Variants in ENTREP2 observed in about 807,000 individuals in gnomAD.
ENTREP2 encodes the protein protein ENTREP2.
chr15:29,647,803 A>G, the ENTREP2 span, among the ~76,000 whole-genome samples: 2 of 152,168 alleles, frequency 1.3e-5, no homozygotes, highest in African/African-American at 4.8e-5. Context: ...GCAAGTGGCT[A>G]CATATGATAA....
the ENTREP2 span, among the ~76,000 whole-genome samples, chr15:29,126,869 C>T: frequency 2.4e-4 from 36 of 152,300 alleles, 1 homozygote; most frequent in South Asian, 8.3e-4. Context: ...ATCTCAGGCC[C>T]GCCCTTGCAG....
At chr15:29,539,377 G>A in the ENTREP2 span, among the ~76,000 whole-genome samples, 2 of 152,104 alleles carry the variant, frequency 1.3e-5, no homozygotes, top group African/African-American at 4.8e-5. Context: ...CCCGCCTTTT[G>A]TTTCAGTGCA....
chr15:29,399,600 CAA>C, the ENTREP2 span, among the ~76,000 whole-genome samples: 1 of 152,110 alleles, frequency 6.6e-6, no homozygotes, highest in African/African-American at 2.4e-5. Context: ...GTCCCTTGAA[CAA>C]GAGGGGTGTT....
At chr15:29,136,251 C>T in the ENTREP2 span, 5 of 1,175,368 alleles carry the variant, frequency 4.3e-6, no homozygotes, top group East Asian at 1.1e-4. Context: ...CATGAGTGTT[C>T]ACCTCACAGC....
At chr15:29,469,345 G>A in the ENTREP2 span, among the ~76,000 whole-genome samples, 8 of 152,226 alleles carry the variant, frequency 5.3e-5, no homozygotes, top group South Asian at 4.1e-4. Flanking sequence ...AATTACAGGC[G>A]CACGCCACCA....
At chr15:29,214,874 G>C in the ENTREP2 span, among the ~76,000 whole-genome samples, 10,183 of 152,200 alleles carry the variant, frequency 0.067, 1,180 homozygotes, top group African/African-American at 0.23. Context: ...CTATCTTGGA[G>C]AAAGTTCCAC....
the ENTREP2 span, among the ~76,000 whole-genome samples, chr15:29,377,844 T>TAATAATAATAAC: frequency 1.5e-5 from 2 of 137,116 alleles, no homozygotes; most frequent in South Asian, 5.0e-4. Flanking sequence ...ATAATAATAA[T>TAATAATAATAAC]AATAATAATA....
chr15:29,242,770 G>A, the ENTREP2 span, among the ~76,000 whole-genome samples: 1 of 152,196 alleles, frequency 6.6e-6, no homozygotes, highest in African/African-American at 2.4e-5. Context: ...AAAAGAGACA[G>A]AATGCTCAGA....
chr15:29,120,930 C>T, the ENTREP2 span: 4 of 152,300 alleles, frequency 2.6e-5, no homozygotes, highest in Admixed American at 2.0e-4. Flanking sequence ...AGTCTACCAG[C>T]ACCTCTCTCT....
At chr15:29,663,727 G>T in the ENTREP2 span, among the ~76,000 whole-genome samples, 1 of 152,042 alleles carries the variant, frequency 6.6e-6, no homozygotes, top group African/African-American at 2.4e-5. Context: ...GGAGGGGGAG[G>T]GGGGAGAGAT....
At chr15:29,356,940 G>T in the ENTREP2 span, among the ~76,000 whole-genome samples, 2 of 152,256 alleles carry the variant, frequency 1.3e-5, no homozygotes, top group East Asian at 3.9e-4. Context: ...CCTTTGGAGG[G>T]AAGAGAAAGC....
At chr15:29,255,797 T>C in the ENTREP2 span, among the ~76,000 whole-genome samples, 1,394 of 151,926 alleles carry the variant, frequency 9.2e-3, 11 homozygotes, top group Non-Finnish European at 0.014. Flanking sequence ...GTCAGGAGAT[T>C]GAGACCATCC....
the ENTREP2 span, among the ~76,000 whole-genome samples, chr15:29,444,470 TTTTTC>T: frequency 2.0e-5 from 2 of 100,032 alleles, no homozygotes; most frequent in South Asian, 3.6e-4. Flanking sequence ...TTTTTTTCTT[TTTTTC>T]TTTTTTTTCT....
the ENTREP2 span, among the ~76,000 whole-genome samples, chr15:29,503,685 G>T: frequency 6.6e-6 from 1 of 152,070 alleles, no homozygotes; most frequent in Non-Finnish European, 1.5e-5. Context: ...TATCTTTTTA[G>T]GATCTAGAGA....
At chr15:29,121,776 A>C in the ENTREP2 span, 1 of 152,240 alleles carries the variant, frequency 6.6e-6, no homozygotes, top group Non-Finnish European at 1.5e-5. Context: ...AAGCCTTTTC[A>C]GCCGACCACA....
At chr15:29,490,564 G>A in the ENTREP2 span, among the ~76,000 whole-genome samples, 1 of 152,164 alleles carries the variant, frequency 6.6e-6, no homozygotes, top group Non-Finnish European at 1.5e-5. Flanking sequence ...GTTTTGACAG[G>A]GTGCTGATTG....
the ENTREP2 span, among the ~76,000 whole-genome samples, chr15:29,579,836 G>A: frequency 4.0e-5 from 6 of 151,250 alleles, no homozygotes; most frequent in South Asian, 2.1e-4. Flanking sequence ...TCAGCCTCCC[G>A]AGTAGCTGGG....
the ENTREP2 span, among the ~76,000 whole-genome samples, chr15:29,473,406 C>A: frequency 1.3e-5 from 2 of 152,216 alleles, no homozygotes; most frequent in South Asian, 4.2e-4. Context: ...CAGTTCCCCC[C>A]ATGTAGAGGA....
chr15:29,351,397 T>A, the ENTREP2 span, among the ~76,000 whole-genome samples: 3 of 152,206 alleles, frequency 2.0e-5, no homozygotes, highest in Non-Finnish European at 4.4e-5. Flanking sequence ...ACAGATGACA[T>A]GGGAGTCTTC....
Sources: allele counts gnomAD v4.1 joint callset (sites outside exome capture counted in the v4.1 genomes callset), GRCh38; gene constraint gnomAD v4.1.1; transcripts MANE v1.5; gene names NCBI Gene and HGNC (gene_info 2026-07-23, HGNC 2026-07-21).